KLHL13: variants seen among roughly 807,000 people sequenced by gnomAD.
The protein encoded by KLHL13 is kelch like family member 13.
Under a neutral mutation model 37.1 loss-of-function variants are expected in KLHL13, and 10 were observed. The ratio of observed to expected loss-of-function variants is 0.27; its 90% CI spans 0.17 to 0.46. KLHL13 has a LOEUF of 0.46. Ranked by LOEUF, KLHL13 falls within the 20% of genes least tolerant of loss-of-function variation. The pLI is 1.00. For synonymous variants in KLHL13, 163 were observed against 181.2 expected (o/e 0.90, Z 0.81); for missense variants, 360 against 509.3 (o/e 0.71, Z 2.82).
chrX:118,067,827 G>A (rs760083850), intron 1 of KLHL13, among the ~76,000 whole-genome samples: 3 of 111,125 alleles, frequency 2.7e-5, no homozygotes, highest in Non-Finnish European at 5.7e-5. Flanking sequence ...GGACCTGCCT[G>A]AAGCTGTTTA....
At chrX:117,977,338 C>T (rs780677711), upstream of KLHL13, among the ~76,000 whole-genome samples, 7 of 111,687 alleles carry the variant, frequency 6.3e-5, no homozygotes, top group South Asian at 1.5e-3. Context: ...TAAGAGAAAA[C>T]GTAAATATAT....
intron 1 of KLHL13, among the ~76,000 whole-genome samples, chrX:118,038,261 C>G: frequency 8.9e-6 from 1 of 111,937 alleles, no homozygotes. Flanking sequence ...TGAATAGAAG[C>G]CTCAAGTGAT....
intron 1 of KLHL13, among the ~76,000 whole-genome samples, chrX:118,039,366 GA>G (rs2054484138): frequency 8.9e-6 from 1 of 112,192 alleles, no homozygotes; most frequent in African/African-American, 3.2e-5. Context: ...GCCCTGAAGA[GA>G]AAGACTCAGG....
chrX:118,101,845 T>C (rs759870294), intron 1 of KLHL13, among the ~76,000 whole-genome samples: 2 of 111,869 alleles, frequency 1.8e-5, no homozygotes, highest in Non-Finnish European at 3.8e-5. Context: ...TGCCACCTTG[T>C]GAAGAAGGTG....
At chrX:117,972,993 GC>G (rs1463295155) in exon 1 of KLHL13, 1 of 1,065,129 alleles carries the variant, frequency 9.4e-7, no homozygotes, top group Non-Finnish European at 1.2e-6. Context: ...GTAAAATAGG[GC>G]TGTAAGGTAC....
intron 1 of KLHL13, among the ~76,000 whole-genome samples, chrX:117,964,677 G>A (rs1023275147): frequency 6.3e-5 from 7 of 111,417 alleles, no homozygotes; most frequent in Admixed American, 3.8e-4. Context: ...ATGTTGGTGT[G>A]CTGCACCCAT....
chrX:118,107,592 G>A (rs2497853), intron 1 of KLHL13, among the ~76,000 whole-genome samples: 4,235 of 111,719 alleles, frequency 0.038, 220 homozygotes, highest in African/African-American at 0.13. Flanking sequence ...CACTCTATAC[G>A]CATTATTAAT....
intron 2 of KLHL13, among the ~76,000 whole-genome samples, chrX:117,941,086 T>C (rs1471921562): frequency 1.8e-5 from 2 of 111,861 alleles, no homozygotes; most frequent in Non-Finnish European, 3.8e-5. Flanking sequence ...GGGTTTGTCA[T>C]AAATAACACT....
At chrX:118,055,151 A>G (rs1358033439) in intron 1 of KLHL13, among the ~76,000 whole-genome samples, 2 of 111,831 alleles carry the variant, frequency 1.8e-5, no homozygotes, top group African/African-American at 6.5e-5. Context: ...TCTATAACAA[A>G]TATTTTTAGC....
intron 1 of KLHL13, among the ~76,000 whole-genome samples, chrX:117,959,944 A>G (rs2053264624): frequency 8.9e-6 from 1 of 111,945 alleles, no homozygotes; most frequent in Non-Finnish European, 1.9e-5. Flanking sequence ...GAGGGATCGC[A>G]TAAGCACAAA....
At chrX:118,102,052 A>C (rs1317067867) in intron 1 of KLHL13, among the ~76,000 whole-genome samples, 1 of 111,850 alleles carries the variant, frequency 8.9e-6, no homozygotes, top group Non-Finnish European at 1.9e-5. Context: ...GGGAAGTCCA[A>C]GTAGTCCCCA....
intron 1 of KLHL13, among the ~76,000 whole-genome samples, chrX:117,960,495 T>C (rs2053277318): frequency 9.1e-6 from 1 of 109,745 alleles, no homozygotes; most frequent in Admixed American, 9.7e-5. Flanking sequence ...AAAATTTCAA[T>C]ATTTGCCCCC....
chrX:117,926,449 C>T (rs964856094), intron 2 of KLHL13, among the ~76,000 whole-genome samples: 57 of 111,247 alleles, frequency 5.1e-4, no homozygotes, highest in African/African-American at 1.7e-3. Flanking sequence ...ACATCTTTGT[C>T]TGCAGAAAGA....
At chrX:117,908,065 C>CTTT (rs1930667925) in intron 5 of KLHL13, among the ~76,000 whole-genome samples, 6 of 99,765 alleles carry the variant, frequency 6.0e-5, no homozygotes, top group Non-Finnish European at 8.0e-5. Context: ...ACTACAAGGA[C>CTTT]ATTATTTATT....
intron 1 of KLHL13, among the ~76,000 whole-genome samples, chrX:118,090,891 A>T (rs1180339945): frequency 9.3e-6 from 1 of 107,687 alleles, no homozygotes. Context: ...ATGTCCAACA[A>T]TGATAGACTG....
intron 1 of KLHL13, among the ~76,000 whole-genome samples, chrX:118,093,978 C>G (rs748181182): frequency 1.8e-4 from 20 of 109,711 alleles, no homozygotes; most frequent in Admixed American, 6.9e-4. Flanking sequence ...TCTGCATTTC[C>G]AACTGAGGAA....
chrX:118,066,962 G>A (rs987418020), intron 1 of KLHL13, among the ~76,000 whole-genome samples: 1 of 111,631 alleles, frequency 9.0e-6, no homozygotes, highest in African/African-American at 3.3e-5. Context: ...TATACATAGA[G>A]AGTTTCCAAT....
rs28818853 is a variant in KLHL13 at position 118,019,790 on chromosome X, A to T, written c.-55-74215T>A. Among the ~76,000 whole-genome samples the T allele has an allele frequency of 4.7e-3, 491 of 104,695 alleles. 2 individuals carry two copies. The highest frequency in any genetic ancestry group is 0.016 in the African/African-American group (438 of 26,922). The allele number at this position is 104,695 out of a possible 115,157, so 90.9% of individuals were successfully genotyped here. A position where few individuals can be genotyped will look rare whatever the true frequency, so the allele number is the denominator to read the frequency against. The stretch of plus-strand genomic sequence containing the variant: ...CTTGTTTTTCTCAGGTTTGTCAAAG[A>T]TCAGATAGTTGTAGATATGAGGCGT... On this transcript the variant is annotated intron_variant, in intron 1 of 6. Transcript: ENST00000371882.
intron 1 of KLHL13, among the ~76,000 whole-genome samples, chrX:117,991,334 A>G (rs748069565): frequency 9.1e-6 from 1 of 110,482 alleles, no homozygotes; most frequent in East Asian, 2.8e-4. Flanking sequence ...GGAGAGAGAT[A>G]CTAACAATTA....
Sources: allele counts gnomAD v4.1 joint callset (sites outside exome capture counted in the v4.1 genomes callset), GRCh38; gene constraint gnomAD v4.1.1; transcripts MANE v1.5; gene names NCBI Gene and HGNC (gene_info 2026-07-23, HGNC 2026-07-21).